The following SGMS2 variants were observed in gnomAD, a reference collection of about 807,000 sequenced individuals.
SGMS2 encodes the protein sphingomyelin synthase 2.
SGMS2 carries 21 observed loss-of-function variants against 43.8 expected under a neutral mutation model. The observed-to-expected ratio is 0.48, with a 90% CI of 0.34 to 0.69. The LOEUF is 0.69. Among genes scored for constraint, SGMS2 ranks in the 30% least tolerant of loss-of-function variants. SGMS2 has a pLI of 0.01. For missense variants in SGMS2, 384 were observed against 443.2 expected, an observed-to-expected ratio of 0.87 and a Z score of 1.20; for synonymous variants, 167 against 160.6, an observed-to-expected ratio of 1.04 and a Z score of -0.30.
intron 1 of SGMS2, among the ~76,000 whole-genome samples, chr4:107,845,227 G>A (rs1199476823): frequency 6.6e-6 from 1 of 152,202 alleles, no homozygotes; most frequent in Non-Finnish European, 1.5e-5. Flanking sequence ...CTGAGGCCTG[G>A]ATTAGCAGAA....
chr4:107,891,307 T>TA (rs1301814157), intron 2 of SGMS2, among the ~76,000 whole-genome samples: 67 of 110,434 alleles, frequency 6.1e-4, no homozygotes, highest in African/African-American at 2.3e-3. Context: ...AGAGAAACAA[T>TA]AAAAAAAAAC....
chr4:107,908,633 A>T lies in SGMS2; in HGVS notation c.796A>T (p.Ile266Phe). ...GCTGAGTGCTGCCGGGATCATCTGC[A>T]TTCTTGTAGCACACGAACACTACAC... is the stretch of plus-strand genomic sequence containing the variant. ...WLLSAAGIIC[I>F]LVAHEHYTID... The change falls in exon 6 of 7, where the codon ATT becomes TTT. Residue 266 changes from isoleucine to phenylalanine, a missense_variant. By Grantham distance (21) the Ile-to-Phe change is conservative. Coordinates refer to ENST00000690982, the MANE Select transcript of SGMS2 (RefSeq NM_001375905.1). 2 of 1,614,084 alleles carry T rather than the reference A, an allele frequency of 1.2e-6. No individual in the cohort carries two copies. Among genetic ancestry groups the T allele is most frequent in the Non-Finnish European group, 1.7e-6 (2 of 1,179,974 alleles).
intron 2 of SGMS2, among the ~76,000 whole-genome samples, chr4:107,883,864 A>C (rs1729548216): frequency 6.6e-6 from 1 of 152,230 alleles, no homozygotes; most frequent in South Asian, 2.1e-4. Flanking sequence ...TTCTTGCTGC[A>C]CTGTCTACAA....
chr4:107,841,491 G>C (rs770607941), intron 1 of SGMS2, among the ~76,000 whole-genome samples: 2 of 151,862 alleles, frequency 1.3e-5, no homozygotes, highest in Non-Finnish European at 2.9e-5. Context: ...TGGTCTAGCA[G>C]TAGGGCTCAT....
At chr4:107,876,070 T>C (rs1553931299) in intron 2 of SGMS2, among the ~76,000 whole-genome samples, 2 of 152,198 alleles carry the variant, frequency 1.3e-5, no homozygotes, top group Non-Finnish European at 2.9e-5. Flanking sequence ...CAGTGCCCAA[T>C]TCCTGCTTCT....
intron 2 of SGMS2, among the ~76,000 whole-genome samples, chr4:107,883,834 G>A (rs1479606904): frequency 5.3e-5 from 8 of 152,082 alleles, no homozygotes; most frequent in Non-Finnish European, 8.8e-5. Flanking sequence ...CAATTTAAAA[G>A]CCTATGTAAA....
chr4:107,897,260 T>C (rs1730747892), intron 3 of SGMS2, among the ~76,000 whole-genome samples: 1 of 152,238 alleles, frequency 6.6e-6, no homozygotes, highest in Admixed American at 6.5e-5. Flanking sequence ...TTTTCCTTAA[T>C]ATAACTCTTC....
chr4:107,845,491 A>G (rs1726758522), intron 1 of SGMS2, among the ~76,000 whole-genome samples: 1 of 152,206 alleles, frequency 6.6e-6, no homozygotes, highest in African/African-American at 2.4e-5. Flanking sequence ...GTGCTTCACT[A>G]TTGTGAGCCT....
In SGMS2 at chr4:107,911,914, T is replaced by C. The variant is rs1356409393; in HGVS notation, c.*1361T>C. 6.6e-6 allele frequency: 1 copy of C among 152,242 alleles called. No individual in the cohort carries two copies. Among genetic ancestry groups the C allele is most frequent in the Non-Finnish European group, 1.5e-5 (1 of 68,044 alleles). The allele number at this position is 152,242 out of a possible 1,614,324, so 9.4% of individuals were successfully genotyped here. A position where few individuals can be genotyped will look rare whatever the true frequency, so the allele number is the denominator to read the frequency against. On this transcript the variant is annotated 3_prime_UTR_variant, in exon 7 of 7. Coordinates refer to ENST00000690982, the MANE Select transcript of SGMS2 (RefSeq NM_001375905.1). ...CTTAATTTCTTAGCTACTTGAAGGT[T>C]AATTTGCAAGACTTTTAAAACCTTA...
At position 107,861,536 on chromosome 4, in the gene SGMS2, T is replaced by C. The variant is rs1388583099; in HGVS notation, c.-245+2983T>C. Among the ~76,000 whole-genome samples, 4 of 150,686 alleles carry C rather than the reference T, an allele frequency of 2.7e-5. No homozygotes were observed. The East Asian group carries it at 7.7e-4, about 29-fold the overall frequency. On this transcript the variant is annotated intron_variant, in intron 2 of 6. Coordinates refer to ENST00000690982, the MANE Select transcript of SGMS2 (RefSeq NM_001375905.1). ...TTTGGAGAGTGATTCAACCCCCTTA[T>C]TTCTTGCCACTAGTAATTGCAGCCT...
At chr4:107,906,774 C>T (rs990241936) in intron 5 of SGMS2, among the ~76,000 whole-genome samples, 1 of 152,112 alleles carries the variant, frequency 6.6e-6, no homozygotes, top group Admixed American at 6.6e-5. Flanking sequence ...CTTGCAATTC[C>T]GTGAGTAGTA....
intron 1 of SGMS2, among the ~76,000 whole-genome samples, chr4:107,852,935 T>C (rs550739441): frequency 6.6e-6 from 1 of 152,318 alleles, no homozygotes; most frequent in East Asian, 1.9e-4. Context: ...ATCTCACTTC[T>C]TTGAGTTTCT....
chr4:107,893,987 C>A (rs1430645866), intron 2 of SGMS2, among the ~76,000 whole-genome samples: 1 of 152,156 alleles, frequency 6.6e-6, no homozygotes, highest in Non-Finnish European at 1.5e-5. Context: ...TTTTAATTTG[C>A]CCTACATAGC....
intron 1 of SGMS2, among the ~76,000 whole-genome samples, chr4:107,857,083 A>G (rs760528321): frequency 1.9e-4 from 29 of 152,284 alleles, no homozygotes; most frequent in Non-Finnish European, 3.8e-4. Flanking sequence ...GGATTTGCCT[A>G]TTCTGCACAT....
chr4:107,859,522 C>A (rs115051414), intron 2 of SGMS2, among the ~76,000 whole-genome samples: 129 of 152,264 alleles, frequency 8.5e-4, no homozygotes, highest in African/African-American at 2.6e-3. Context: ...ATATTTGACA[C>A]CATTTTGATA....
intron 3 of SGMS2, 45 bp from the exon 4 acceptor site, chr4:107,899,530 C>T (rs1730945543): frequency 7.1e-7 from 1 of 1,408,988 alleles, no homozygotes; most frequent in Non-Finnish European, 9.9e-7. Flanking sequence ...AGGAGTAAAA[C>T]CAACCAGTAA....
chr4:107,902,670 A>G (rs578226622), intron 4 of SGMS2, among the ~76,000 whole-genome samples: 59 of 152,308 alleles, frequency 3.9e-4, no homozygotes, highest in Non-Finnish European at 7.5e-4. Context: ...ACTCATTTTT[A>G]AAGCTGCCAG....
At position 107,913,298 on chromosome 4, in the gene SGMS2, C is replaced by G. The variant is rs1732242169; in HGVS notation, c.*2745C>G. ...CTCAGATTCTAGTTTTTGAGCTTGT[C>G]CACTAGATCTGAAAATAAAGCATCC... On this transcript the variant is annotated 3_prime_UTR_variant, in exon 7 of 7. Transcript: ENST00000690982. 6.6e-6 allele frequency: 1 copy of G among 151,888 alleles called. No homozygotes were observed. The highest frequency in any genetic ancestry group is 2.4e-5 in the African/African-American group (1 of 41,318). The allele number at this position is 151,888 out of a possible 1,614,324, so 9.4% of individuals were successfully genotyped here.
At chr4:107,838,709 C>CT (rs964254968) in intron 1 of SGMS2, among the ~76,000 whole-genome samples, 131 of 145,796 alleles carry the variant, frequency 9.0e-4, no homozygotes, top group Admixed American at 2.1e-3. Flanking sequence ...AGAGTTTATC[C>CT]TTTTTTTTTT....
Sources: gnomAD v4.1 joint callset for allele counts (sites outside exome capture counted in the v4.1 genomes callset) on GRCh38, gnomAD v4.1.1 for gene constraint, MANE v1.5 for transcripts, NCBI Gene and HGNC (gene_info 2026-07-23, HGNC 2026-07-21) for gene names.